Variants in CEP170 observed in about 807,000 individuals in gnomAD.
CEP170 encodes centrosomal protein 170.
Under a neutral mutation model 151.9 loss-of-function variants are expected in CEP170, and 21 were observed. That is an observed-to-expected ratio of 0.14 (90% CI 0.10 to 0.20). The LOEUF (loss-of-function observed/expected upper bound fraction) is 0.20. Ranked by LOEUF, CEP170 falls within the 10% of genes least tolerant of loss-of-function variation. The pLI, the probability that CEP170 is intolerant of heterozygous loss-of-function variation, is 1.00. For missense variants in CEP170, 964 were observed against 1,892.9 expected (o/e 0.51, Z 9.11); for synonymous variants, 356 against 648.8 (o/e 0.55, Z 6.86).
intron 2 of CEP170, among the ~76,000 whole-genome samples, chr1:243,223,598 A>G (rs1572447393): frequency 6.6e-6 from 1 of 152,222 alleles, no homozygotes; most frequent in East Asian, 1.9e-4. Context: ...AAACACCTAC[A>G]GCAAAAGACA....
chr1:243,162,537 T>C (rs1425639508), intron 13 of CEP170, among the ~76,000 whole-genome samples: 1 of 152,256 alleles, frequency 6.6e-6, no homozygotes, highest in Non-Finnish European at 1.5e-5. Flanking sequence ...ACTGAGTATT[T>C]ATCAAGTTCT....
At chr1:243,205,911 C>G (rs1273810776) in intron 4 of CEP170, among the ~76,000 whole-genome samples, 1 of 118,966 alleles carries the variant, frequency 8.4e-6, no homozygotes, top group Non-Finnish European at 1.8e-5. Flanking sequence ...AAGGGAGGAA[C>G]AAAAAAACAA....
intron 16 of CEP170, among the ~76,000 whole-genome samples, chr1:243,139,367 T>C (rs2055546809): frequency 1.3e-5 from 2 of 152,174 alleles, no homozygotes; most frequent in South Asian, 4.1e-4. Flanking sequence ...ATTTTCTCTT[T>C]GGTGAAATGT....
intron 14 of CEP170, among the ~76,000 whole-genome samples, chr1:243,154,879 GC>G (rs1189866586): frequency 6.6e-6 from 1 of 152,066 alleles, no homozygotes; most frequent in African/African-American, 2.4e-5. Flanking sequence ...GAGAGAGGAG[GC>G]CTCCTGCCAG....
At chr1:243,174,751 C>A (rs1297191092) in intron 10 of CEP170, among the ~76,000 whole-genome samples, 5 of 152,040 alleles carry the variant, frequency 3.3e-5, no homozygotes, top group Non-Finnish European at 5.9e-5. Context: ...AGGGAAAAAA[C>A]AAAAACTGCT....
At position 243,140,121 on chromosome 1, in the gene CEP170, A is replaced by T; in HGVS notation, c.4060-14T>A. On this transcript the variant is annotated splice_polypyrimidine_tract_variant and intron_variant, in intron 15 of 19. Transcript: ENST00000366542. ...ACGATCAACCAACTAATGGGACGAA[A>T]GCAAACCTTTATGAGAACACAGTAA... The T allele has an allele frequency of 6.2e-7, 1 of 1,612,278 alleles. No homozygotes were observed. The highest frequency in any genetic ancestry group is 8.5e-7 in the Non-Finnish European group (1 of 1,178,766).
In CEP170 at chr1:243,180,906, T is replaced by C. The variant is rs559919259; in HGVS notation, c.1566+4873A>G. On this transcript the variant is annotated intron_variant, in intron 10 of 19. Coordinates refer to ENST00000366542, the MANE Select transcript of CEP170 (RefSeq NM_014812.3). The stretch of plus-strand genomic sequence containing the variant: ...GAAGAAAAGACGCTAGTAAGAGGCT[T>C]TGTAGGGGAGATATATTGACACAAT... Among the ~76,000 whole-genome samples, 7 of 152,266 alleles carry C rather than the reference T, an allele frequency of 4.6e-5. No homozygotes were observed. In the South Asian group the frequency reaches 1.5e-3, roughly 32 times the overall value.
intron 9 of CEP170, 54 bp from the exon 10 acceptor site, chr1:243,186,126 C>T: frequency 1.9e-6 from 3 of 1,613,402 alleles, no homozygotes; most frequent in Non-Finnish European, 2.5e-6. Flanking sequence ...TTTGCTTTCT[C>T]AAGTTTTGTA....
intron 1 of CEP170, among the ~76,000 whole-genome samples, chr1:243,238,861 T>A (rs1284581286): frequency 6.6e-6 from 1 of 152,228 alleles, no homozygotes; most frequent in African/African-American, 2.4e-5. Context: ...AGTATTGCTA[T>A]CTTAAATTAC....
chr1:243,170,391 A>G (rs2058747206), intron 11 of CEP170, among the ~76,000 whole-genome samples: 1 of 151,502 alleles, frequency 6.6e-6, no homozygotes, highest in Non-Finnish European at 1.5e-5. Flanking sequence ...CTCAAAAAGA[A>G]AAAAAAAAGT....
chr1:243,194,901 T>C (rs1471922594), intron 7 of CEP170, among the ~76,000 whole-genome samples: 2 of 151,916 alleles, frequency 1.3e-5, no homozygotes, highest in African/African-American at 4.8e-5. Flanking sequence ...TATATCTCAA[T>C]CAGAAAAGCA....
intron 4 of CEP170, chr1:243,211,093 A>T (rs12125830): frequency 6.6e-6 from 1 of 150,396 alleles, no homozygotes; most frequent in Non-Finnish European, 1.5e-5. Flanking sequence ...GTAGTAATTC[A>T]AAAAAACTAA....
chr1:243,178,544 T>C (rs2059407007), intron 10 of CEP170, among the ~76,000 whole-genome samples: 1 of 152,020 alleles, frequency 6.6e-6, no homozygotes, highest in African/African-American at 2.4e-5. Flanking sequence ...TTAATGATCA[T>C]GAGATTTGGT....
intron 4 of CEP170, 91 bp from the exon 5 acceptor site, chr1:243,200,926 C>A: frequency 7.2e-7 from 1 of 1,392,534 alleles, no homozygotes; most frequent in South Asian, 1.4e-5. Flanking sequence ...TGTTCTATTT[C>A]AACAGGTAAC....
chr1:243,250,903 A>G (rs1299635286), intron 1 of CEP170, among the ~76,000 whole-genome samples: 3 of 152,222 alleles, frequency 2.0e-5, no homozygotes, highest in East Asian at 1.9e-4. Flanking sequence ...CATTCAGACC[A>G]TAACTGCAGA....
intron 1 of CEP170, among the ~76,000 whole-genome samples, chr1:243,239,770 A>T (rs778712730): frequency 1.3e-5 from 2 of 152,054 alleles, no homozygotes. Flanking sequence ...CAACTCCTAA[A>T]CTTCTTTGTA....
intron 10 of CEP170, among the ~76,000 whole-genome samples, chr1:243,181,427 T>G (rs2059609618): frequency 6.6e-6 from 1 of 152,158 alleles, no homozygotes; most frequent in Admixed American, 6.5e-5. Context: ...AATAAGGTGA[T>G]CTATTGAGAG....
intron 14 of CEP170, among the ~76,000 whole-genome samples, chr1:243,145,593 G>A (rs1766026): frequency 0.11 from 15,973 of 151,424 alleles, 2,034 homozygotes; most frequent in African/African-American, 0.29. Flanking sequence ...CCTATTTTTT[G>A]ATAGCACATT....
At chr1:243,251,414 T>C (rs1292172411) in intron 1 of CEP170, among the ~76,000 whole-genome samples, 2 of 152,308 alleles carry the variant, frequency 1.3e-5, no homozygotes, top group African/African-American at 2.4e-5. Context: ...GGTTCAATTA[T>C]AGGCCCTATC....
Sources: allele counts gnomAD v4.1 joint callset (sites outside exome capture counted in the v4.1 genomes callset), GRCh38; gene constraint gnomAD v4.1.1; transcripts MANE v1.5; gene names NCBI Gene and HGNC (gene_info 2026-07-23, HGNC 2026-07-21).